Variants in CEP250 observed in about 807,000 individuals in gnomAD.
The protein encoded by CEP250 is centrosomal protein 250.
CEP250 carries 242 observed loss-of-function variants against 315.7 expected under a neutral mutation model. That is an observed-to-expected ratio of 0.77 (90% CI 0.69 to 0.85). CEP250 has a LOEUF of 0.85. Among genes scored for constraint, CEP250 ranks in the 40% least tolerant of loss-of-function variants. The probability of loss-of-function intolerance (pLI) is 0.00; values close to 1 mark genes in which losing one functional copy is unlikely to be tolerated. For synonymous variants in CEP250, 1,088 were observed against 1,175.0 expected, an observed-to-expected ratio of 0.93 and a Z score of 1.51; for missense variants, 2,515 against 2,886.4, an observed-to-expected ratio of 0.87 and a Z score of 2.95.
chr20:35,465,103 G>A (rs1458156410), intron 5 of CEP250, among the ~76,000 whole-genome samples: 1 of 151,954 alleles, frequency 6.6e-6, no homozygotes, highest in Non-Finnish European at 1.5e-5. Flanking sequence ...TGTAGCTGGA[G>A]ACACTGTAGC....
chr20:35,456,019 C>A (rs559934151), intron 1 of CEP250, among the ~76,000 whole-genome samples: 2 of 152,344 alleles, frequency 1.3e-5, no homozygotes, highest in South Asian at 4.1e-4. Context: ...CCTCAGCCTC[C>A]CAAGTAGCTG....
intron 8 of CEP250, 26 bp from the exon 9 acceptor site, chr20:35,467,278 C>A: frequency 6.2e-7 from 1 of 1,603,476 alleles, no homozygotes; most frequent in South Asian, 1.1e-5. Flanking sequence ...CTAGTGGAGT[C>A]TGCTGTTTTC....
At position 35,503,123 on chromosome 20, in the gene CEP250, C is replaced by A; in HGVS notation, c.4754C>A (p.Thr1585Asn). ...AAGGAGCTGGAGGGCCAGAGGGAAA[C>A]CCAGAGAGTGGCTTTGACCCACCTT... Reference protein sequence around the residue: ...LIKELEGQRETQRVALTHLTL... With the variant: ...LIKELEGQRENQRVALTHLTL... The change falls in exon 30 of 35, where the codon ACC (threonine) becomes AAC (asparagine). Residue 1585 changes from threonine to asparagine, a missense_variant. Thr to Asn is a moderately conservative substitution (Grantham distance 65). Transcript: ENST00000397527. This position sits in a 1 kb window ranked among gnomAD's most constrained non-coding sequence, Gnocchi z 4.2. 6.2e-7 allele frequency: 1 copy of A among 1,614,082 alleles called. No individual in the cohort carries two copies. Among genetic ancestry groups the A allele is most frequent in the South Asian group, 1.1e-5 (1 of 91,076 alleles).
chr20:35,473,582 C>T, intron 13 of CEP250, 30 bp downstream of exon 13: 1 of 1,574,372 alleles, frequency 6.4e-7, no homozygotes, highest in South Asian at 1.2e-5. Context: ...ATCCCACCCT[C>T]CCAGCCTGGT....
At chr20:35,469,296 CA>C (rs1055297743) in intron 9 of CEP250, among the ~76,000 whole-genome samples, 5 of 147,058 alleles carry the variant, frequency 3.4e-5, no homozygotes, top group African/African-American at 5.0e-5. Flanking sequence ...GACCCTGTCT[CA>C]AAAAAAAAAT....
intron 34 of CEP250, among the ~76,000 whole-genome samples, chr20:35,510,867 C>T (rs2064334738): frequency 6.6e-6 from 1 of 152,004 alleles, no homozygotes; most frequent in Admixed American, 6.6e-5. Flanking sequence ...TGGTGGTGCA[C>T]ACCTGTAATC....
intron 13 of CEP250, 32 bp from the exon 14 acceptor site, chr20:35,473,838 G>T: frequency 1.9e-6 from 3 of 1,584,324 alleles, no homozygotes; most frequent in Non-Finnish European, 2.6e-6. Context: ...AGGTCCTATG[G>T]TCTCTGCTCA....
chr20:35,502,226 G>T (rs183195324), intron 29 of CEP250, among the ~76,000 whole-genome samples, 164 bp from the exon 30 acceptor site: 1 of 152,156 alleles, frequency 6.6e-6, no homozygotes, highest in African/African-American at 2.4e-5. Flanking sequence ...AAGGTGGTAG[G>T]GATGCCCTTT....
chr20:35,479,355 C>T lies in CEP250; in HGVS notation c.2219C>T (p.Ala740Val). The T allele has an allele frequency of 1.2e-6, 2 of 1,614,232 alleles. No individual in the cohort carries two copies. The highest frequency in any genetic ancestry group is 1.7e-6 in the Non-Finnish European group (2 of 1,180,048). ...EKEALVREKA[A>V]LEVRLQAVER... The stretch of plus-strand genomic sequence containing the variant: ...GAGGCCCTAGTACGAGAGAAAGCGG[C>T]TCTAGAGGTGCGGCTGCAGGCCGTG... Residue 740 changes from alanine to valine, a missense_variant, in exon 18 of 35, where the codon GCT becomes GTT. Physicochemically the swap from Ala to Val is moderately conservative, Grantham distance 64 (BLOSUM62 0). Coordinates refer to ENST00000397527, the MANE Select transcript of CEP250 (RefSeq NM_007186.6).
intron 25 of CEP250, among the ~76,000 whole-genome samples, chr20:35,497,502 C>T (rs1568819862): frequency 6.6e-6 from 1 of 151,816 alleles, no homozygotes; most frequent in Non-Finnish European, 1.5e-5. Context: ...ATTAGCATAG[C>T]AGCCTGGGCC....
Position 35,498,081 on chromosome 20 carries a change from C to A in CEP250, c.3655+14C>A. 6.5e-7 allele frequency: 1 copy of A among 1,532,194 alleles called. No individual in the cohort carries two copies. Among genetic ancestry groups the A allele is most frequent in the Admixed American group, 2.0e-5 (1 of 49,388 alleles). The allele number at this position is 1,532,194 out of a possible 1,614,324, so 94.9% of individuals were successfully genotyped here. On this transcript the variant is annotated intron_variant, in intron 26 of 34. Transcript: ENST00000397527. ...GCCTTGAGCCAGGTGAGACAGCCTC[C>A]CCAGAACTAGGTCCTTTGGGCCAAA...
intron 14 of CEP250, chr20:35,474,937 T>C (rs1210234763): frequency 2.2e-6 from 1 of 456,878 alleles, no homozygotes; most frequent in Non-Finnish European, 4.6e-6. Context: ...TCCTTGTACC[T>C]GGTAGGCATG....
At position 35,479,358 on chromosome 20, in the gene CEP250, T is replaced by C. The variant is rs2146877220; in HGVS notation, c.2222T>C (p.Leu741Pro). Residue 741 changes from leucine to proline, a missense_variant, in exon 18 of 35, where the codon CTA becomes CCA. Physicochemically the swap from Leu to Pro is moderately conservative, Grantham distance 98. Coordinates refer to ENST00000397527, the MANE Select transcript of CEP250 (RefSeq NM_007186.6). The stretch of plus-strand genomic sequence containing the variant: ...GCCCTAGTACGAGAGAAAGCGGCTC[T>C]AGAGGTGCGGCTGCAGGCCGTGGAG... Reference protein sequence around the residue: ...KEALVREKAALEVRLQAVERD... With the variant: ...KEALVREKAAPEVRLQAVERD... The C allele has an allele frequency of 1.9e-6, 3 of 1,614,164 alleles. No homozygotes were observed. Among genetic ancestry groups the C allele is most frequent in the Non-Finnish European group, 2.5e-6 (3 of 1,180,022 alleles).
intron 17 of CEP250, among the ~76,000 whole-genome samples, chr20:35,478,938 T>C (rs1283962795): frequency 2.6e-5 from 4 of 152,188 alleles, no homozygotes; most frequent in Non-Finnish European, 5.9e-5. Context: ...GGGACATTGA[T>C]GACTTTCTTC....
intron 26 of CEP250, 70 bp downstream of exon 26, chr20:35,498,137 G>C: frequency 8.6e-7 from 1 of 1,168,708 alleles, no homozygotes; most frequent in Non-Finnish European, 1.2e-6. Context: ...GAAAGGGAGA[G>C]GAATGCTATT....
In CEP250 at chr20:35,508,928, T is replaced by C; in HGVS notation, c.6907-15T>C. 3 of 1,548,604 alleles carry C rather than the reference T, an allele frequency of 1.9e-6. No homozygotes were observed. The highest frequency in any genetic ancestry group is 2.6e-6 in the Non-Finnish European group (3 of 1,145,280). On this transcript the variant is annotated splice_polypyrimidine_tract_variant and intron_variant, in intron 32 of 34. Transcript: ENST00000397527. ...AGCCAAGCCGAGCCCTGATTTCTTA[T>C]TTGCACCTTGGCAGGTGGAGCGAGA...
chr20:35,480,074 G>A lies in CEP250; in HGVS notation c.2515G>A (p.Glu839Lys). ...AARQLAQAEQ[E>K]GKTALEQQKA... Reference sequence around the variant, plus strand: ...CAGACAGCTGGCCCAGGCTGAGCAAGAAGGGAAGACTGCCTTGGAGCAGCA... The same window carrying A: ...CAGACAGCTGGCCCAGGCTGAGCAAAAAGGGAAGACTGCCTTGGAGCAGCA... The change falls in exon 20 of 35, where the codon GAA becomes AAA. Residue 839 changes from glutamate (E) to lysine (K), a missense_variant. Physicochemically the swap from Glu to Lys is moderately conservative, Grantham distance 56. Transcript: ENST00000397527. 6.2e-7 allele frequency: 1 copy of A among 1,613,070 alleles called. No homozygotes were observed. The highest frequency in any genetic ancestry group is 2.2e-5 in the East Asian group (1 of 44,886).
In CEP250 at chr20:35,477,978, G is replaced by A. The variant is rs373519159; in HGVS notation, c.1971G>A (p.Leu657=). The A allele has an allele frequency of 9.4e-5, 151 of 1,613,648 alleles. 1 individual carries two copies. The highest frequency in any genetic ancestry group is 5.3e-4 in the Admixed American group (32 of 59,958). Reference sequence around the variant, plus strand: ...AGGCAGAGAAGAGGAGGGAAGCCCTGTGGGAAAAGAACACTCACCTGGAGG... The same window carrying A: ...AGGCAGAGAAGAGGAGGGAAGCCCTATGGGAAAAGAACACTCACCTGGAGG... The part of the protein sequence containing the change: ...LAEAEKRREA[L]WEKNTHLEAQ... The change falls in exon 17 of 35, where the codon CTG becomes CTA. Residue 657 remains leucine (L), a synonymous_variant. Transcript: ENST00000397527.
At chr20:35,499,220 A>T (rs1250785483) in intron 27 of CEP250, among the ~76,000 whole-genome samples, 1 of 152,234 alleles carries the variant, frequency 6.6e-6, no homozygotes, top group Non-Finnish European at 1.5e-5. Context: ...GGTTGCAGTG[A>T]GCCAAGATTG....
Sources: gnomAD v4.1 joint callset for allele counts (sites outside exome capture counted in the v4.1 genomes callset) on GRCh38, gnomAD v4.1.1 for gene constraint, Gnocchi (gnomAD v3.1) non-coding constraint, MANE v1.5 for transcripts, NCBI Gene and HGNC (gene_info 2026-07-23, HGNC 2026-07-21) for gene names.